Variants in TMC6 observed in about 807,000 individuals in gnomAD.
The protein encoded by TMC6 is transmembrane channel-like protein 6.
A neutral mutation model predicts 95.4 loss-of-function variants in TMC6; 71 were observed. That is an observed-to-expected ratio of 0.74 (90% CI 0.61 to 0.91). TMC6 has a LOEUF of 0.91. Among genes scored for constraint, TMC6 ranks in the 40% least tolerant of loss-of-function variants. The pLI is 0.00. For missense variants in TMC6, 1,074 were observed against 1,079.1 expected (o/e 1.00, Z 0.07); for synonymous variants, 514 against 483.1 (o/e 1.06, Z -0.84).
At position 78,117,884 on chromosome 17, in the gene TMC6, G is replaced by A. The variant is rs978974955; in HGVS notation, c.1939C>T (p.His647Tyr). 1.9e-6 allele frequency: 3 copies of A among 1,607,124 alleles called. No individual in the cohort carries two copies. Among genetic ancestry groups the A allele is most frequent in the African/African-American group, 1.3e-5 (1 of 75,024 alleles). ...AGCGTGAGGAAGACGGTGCTCATGT[G>A]TGAGGCCAGCCAGGGCCGGCGCGGC... ...QAPRRPWLAS[H>Y]MSTVFLTLLC... Residue 647 changes from histidine (H) to tyrosine (Y), a missense_variant, in exon 16 of 20, where the codon CAC (histidine) becomes TAC (tyrosine). His to Tyr is a moderately conservative substitution (Grantham distance 83). Transcript: ENST00000590602.
At chr17:78,126,434 C>A in intron 3 of TMC6, 68 bp from the exon 4 acceptor site, 1 of 1,606,610 alleles carries the variant, frequency 6.2e-7, no homozygotes, top group Non-Finnish European at 8.5e-7. Context: ...CCCACCCCAT[C>A]CCAGGCCTGC....
intron 15 of TMC6, among the ~76,000 whole-genome samples, chr17:78,118,578 G>A (rs114148537): frequency 0.012 from 1,336 of 109,694 alleles, 24 homozygotes; most frequent in African/African-American, 0.049. Flanking sequence ...AAAATAAAAA[G>A]ACAGGAGCCA....
chr17:78,123,361 G>A (rs1186746039), intron 9 of TMC6, among the ~76,000 whole-genome samples: 1 of 152,190 alleles, frequency 6.6e-6, no homozygotes, highest in African/African-American at 2.4e-5. Flanking sequence ...ATGGATGGAT[G>A]AATAAATGTG....
upstream of TMC6, chr17:78,131,719 T>C (rs1416488031): frequency 6.3e-7 from 1 of 1,584,786 alleles, no homozygotes; most frequent in African/African-American, 1.3e-5. Context: ...TATGCCATGA[T>C]GGACAAGCGC....
chr17:78,121,213 G>A lies in TMC6; in HGVS notation c.1384-49C>T. ...TCATGGAAGCCCCCCATCCATGGTGGGAGCGGGCAGCTACAGGGAAGGGCC... is the reference window on the plus strand; with the variant it reads ...TCATGGAAGCCCCCCATCCATGGTGAGAGCGGGCAGCTACAGGGAAGGGCC... On this transcript the variant is annotated intron_variant, in intron 11 of 19. Transcript: ENST00000590602. This position sits in a 1 kb window ranked among gnomAD's most constrained non-coding sequence, Gnocchi z 5.6. 6.5e-7 allele frequency: 1 copy of A among 1,548,820 alleles called. No individual in the cohort carries two copies. Among genetic ancestry groups the A allele is most frequent in the Non-Finnish European group, 8.7e-7 (1 of 1,149,102 alleles).
intron 8 of TMC6, 51 bp downstream of exon 8, chr17:78,124,473 G>A (rs1297734803): frequency 1.3e-6 from 2 of 1,598,634 alleles, no homozygotes; most frequent in East Asian, 4.5e-5. Flanking sequence ...CACGGTACCA[G>A]GGTAGCAGAA....
Position 78,124,511 on chromosome 17 carries a change from AG to A in TMC6, c.891+12del. The A allele has an allele frequency of 6.2e-7, 1 of 1,608,210 alleles. No individual in the cohort carries two copies. The highest frequency in any genetic ancestry group is 1.1e-5 in the South Asian group (1 of 91,006). ...CAGGCACCCCCCGTCCCCCAGTCCT[AG>A]GGCTTCCTCACCGCGCCTGTGAGGA... On this transcript the variant is annotated intron_variant, in intron 8 of 19. Coordinates refer to ENST00000590602, the MANE Select transcript of TMC6 (RefSeq NM_001127198.5).
chr17:78,124,384 C>T (rs942989819), intron 8 of TMC6, 140 bp downstream of exon 8: 4 of 1,420,312 alleles, frequency 2.8e-6, no homozygotes, highest in Admixed American at 4.0e-5. Flanking sequence ...GAGGGGGAGG[C>T]GGGGAGCTGG....
intron 9 of TMC6, among the ~76,000 whole-genome samples, chr17:78,123,556 G>A (rs1188586088): frequency 1.3e-5 from 2 of 150,244 alleles, no homozygotes; most frequent in Non-Finnish European, 1.5e-5. Flanking sequence ...TGGATGGGTG[G>A]GTGGATGGGT....
chr17:78,125,062 C>T (rs1351742226), intron 6 of TMC6, 77 bp from the exon 7 acceptor site: 10 of 1,540,108 alleles, frequency 6.5e-6, no homozygotes, highest in Middle Eastern at 2.1e-4. Context: ...CGGCCACCCA[C>T]GGGCTCAGCC....
Position 78,124,949 on chromosome 17 carries a change from G to A in TMC6, c.573C>T (p.Gly191=). The A allele has an allele frequency of 6.3e-7, 1 of 1,599,920 alleles. No homozygotes were observed. The part of the protein sequence containing the change: ...KSRTPRGKWR[G]QPGSGGVCSC... ...AGCAGACCCCGCCGCTGCCCGGCTG[G>A]CCCCTCCACTTCCCCCTCGGGGTCC... Residue 191 remains glycine (G), a synonymous_variant, in exon 7 of 20, where the codon GGC becomes GGT. Transcript: ENST00000590602.
At position 78,122,947 on chromosome 17, in the gene TMC6, A is replaced by T. The variant is rs1486475467; in HGVS notation, c.1083-198T>A. On this transcript the variant is annotated intron_variant, in intron 9 of 19. Coordinates refer to ENST00000590602, the MANE Select transcript of TMC6 (RefSeq NM_001127198.5). This position sits in a 1 kb window ranked among gnomAD's most constrained non-coding sequence, Gnocchi z 4.9. ...AGTCTCATCCAACATAGCACCCACC[A>T]GCCACATCTGCCTAGAAGAGGGGGC... The T allele has an allele frequency of 3.2e-5, 23 of 711,994 alleles. No homozygotes were observed. In the East Asian group the frequency reaches 5.7e-4, roughly 18 times the overall value. The allele number at this position is 711,994 out of a possible 1,614,324, so 44.1% of individuals were successfully genotyped here.
At chr17:78,120,985 A>AATGATGTT in intron 12 of TMC6, 28 bp downstream of exon 12, 2 of 1,613,130 alleles carry the variant, frequency 1.2e-6, no homozygotes, top group Non-Finnish European at 1.7e-6. Context: ...TCCAGCACCA[A>AATGATGTT]ATGATGTTTT....
chr17:78,129,783 C>G (rs2074912034), upstream of TMC6, among the ~76,000 whole-genome samples: 1 of 152,226 alleles, frequency 6.6e-6, no homozygotes. The surrounding 1 kb of genome is among the most constrained non-coding windows in gnomAD (Gnocchi z 4.3). Flanking sequence ...CTGCTTCCCC[C>G]TCCCTGCATA....
Position 78,117,796 on chromosome 17 carries a change from A to G in TMC6, c.2021+6T>C. ...AGAAGGGTCTCCCTCCACCCGCCCC[A>G]CTCACTGCCAGACGGCGTAGCAGAG... is the stretch of plus-strand genomic sequence containing the variant. On this transcript the variant is annotated splice_donor_region_variant and intron_variant, in intron 16 of 19. Transcript: ENST00000590602. 1.2e-6 allele frequency: 2 copies of G among 1,603,658 alleles called. No individual in the cohort carries two copies. Among genetic ancestry groups the G allele is most frequent in the Non-Finnish European group, 1.7e-6 (2 of 1,175,812 alleles).
intron 18 of TMC6, among the ~76,000 whole-genome samples, chr17:78,115,639 G>GACCA (rs2074045531): frequency 1.6e-5 from 2 of 127,366 alleles, no homozygotes; most frequent in African/African-American, 2.9e-5. Context: ...TGGGCACAGG[G>GACCA]GCGAAGGGAG....
At position 78,121,435 on chromosome 17, in the gene TMC6, CG is replaced by C; in HGVS notation, c.1383+120del. The C allele has an allele frequency of 6.6e-7, 1 of 1,521,476 alleles. No individual in the cohort carries two copies. The highest frequency in any genetic ancestry group is 8.9e-7 in the Non-Finnish European group (1 of 1,118,778). 94.2% of individuals were successfully genotyped at this position (1,521,476 alleles called of 1,614,324 possible). A position where few individuals can be genotyped will look rare whatever the true frequency, so the allele number is the denominator to read the frequency against. On this transcript the variant is annotated intron_variant, in intron 11 of 19. Coordinates refer to ENST00000590602, the MANE Select transcript of TMC6 (RefSeq NM_001127198.5). The surrounding 1 kb of genome is among the most constrained non-coding windows in gnomAD (Gnocchi z 5.6). ...GGGCCCCAGCACGGGGCACAGCGTA[CG>C]TGGCACCCTGGGCTGGCTGGGTGGA...
At position 78,110,351 on chromosome 17, in the gene TMC6, A is replaced by G. The variant is rs1254845596; in HGVS notation, c.*2797T>C. 2 of 152,082 alleles carry G rather than the reference A, an allele frequency of 1.3e-5. No individual in the cohort carries two copies. Among genetic ancestry groups the G allele is most frequent in the African/African-American group, 4.8e-5 (2 of 41,372 alleles). The allele number at this position is 152,082 out of a possible 1,614,324, so 9.4% of individuals were successfully genotyped here. On this transcript the variant is annotated 3_prime_UTR_variant, in exon 20 of 20. Coordinates refer to ENST00000590602, the MANE Select transcript of TMC6 (RefSeq NM_001127198.5). Reference sequence around the variant, plus strand: ...TGGTGAAACCCCATCTCTACTAAAAATACGAAGATCAGCCAGGCCTGGTTG... The same window carrying G: ...TGGTGAAACCCCATCTCTACTAAAAGTACGAAGATCAGCCAGGCCTGGTTG...
At chr17:78,131,835 G>A (rs751091198), upstream of TMC6, 25 of 1,484,936 alleles carry the variant, frequency 1.7e-5, no homozygotes, top group South Asian at 3.0e-4. Flanking sequence ...GGCCCGGGTG[G>A]GCAGGGCGGG....
Sources: gnomAD v4.1 joint callset for allele counts (sites outside exome capture counted in the v4.1 genomes callset) on GRCh38, gnomAD v4.1.1 for gene constraint, Gnocchi (gnomAD v3.1) non-coding constraint, MANE v1.5 for transcripts, NCBI Gene and HGNC (gene_info 2026-07-23, HGNC 2026-07-21) for gene names.